SLC25A21: variants seen among roughly 807,000 people sequenced by gnomAD.
SLC25A21 encodes mitochondrial 2-oxodicarboxylate carrier.
Under a neutral mutation model 43.8 loss-of-function variants are expected in SLC25A21, and 47 were observed. The ratio of observed to expected loss-of-function variants is 1.07; its 90% CI spans 0.85 to 1.37. SLC25A21 has a LOEUF of 1.37. Ranked by LOEUF, SLC25A21 falls within the 40% of genes most tolerant of loss-of-function variation. The pLI is 0.00. For synonymous variants in SLC25A21, 131 were observed against 121.3 expected (o/e 1.08, Z -0.52); for missense variants, 352 against 350.2 (o/e 1.00, Z -0.04).
chr14:36,799,968 G>A (rs1042801310), intron 3 of SLC25A21, among the ~76,000 whole-genome samples: 2 of 152,076 alleles, frequency 1.3e-5, no homozygotes, highest in Non-Finnish European at 1.5e-5. Context: ...ACCTACCAGC[G>A]AACACTAGAA....
intron 1 of SLC25A21, among the ~76,000 whole-genome samples, chr14:37,020,969 T>G (rs945645403): frequency 3.9e-5 from 6 of 152,128 alleles, no homozygotes; most frequent in Non-Finnish European, 8.8e-5. Flanking sequence ...GATTTCCAAT[T>G]TAAAGGTATA....
chr14:36,901,451 G>C (rs543264899), intron 1 of SLC25A21, among the ~76,000 whole-genome samples: 38 of 152,136 alleles, frequency 2.5e-4, no homozygotes, highest in African/African-American at 8.4e-4. Flanking sequence ...ATAGATTAGA[G>C]GATAAGATGT....
chr14:36,712,124 C>T (rs1282289864), intron 6 of SLC25A21, among the ~76,000 whole-genome samples: 1 of 152,002 alleles, frequency 6.6e-6, no homozygotes, highest in Non-Finnish European at 1.5e-5. Context: ...CTTTCCAGTC[C>T]CCTGATTGAT....
At chr14:37,082,034 T>C (rs1487459107) in intron 1 of SLC25A21, among the ~76,000 whole-genome samples, 2 of 152,292 alleles carry the variant, frequency 1.3e-5, no homozygotes, top group African/African-American at 4.8e-5. Context: ...ACACACACCA[T>C]GGAGTACTAT....
intron 3 of SLC25A21, among the ~76,000 whole-genome samples, chr14:36,761,240 G>A (rs1886145104): frequency 6.6e-6 from 1 of 152,256 alleles, no homozygotes; most frequent in South Asian, 2.1e-4. Flanking sequence ...TGTGGGGTGC[G>A]ACTCTACTAC....
At chr14:36,703,380 T>C (rs1459757131) in intron 7 of SLC25A21, among the ~76,000 whole-genome samples, 3 of 152,208 alleles carry the variant, frequency 2.0e-5, no homozygotes, top group Admixed American at 6.5e-5. Flanking sequence ...CCCTCAGACA[T>C]TCTACAGAAT....
intron 3 of SLC25A21, among the ~76,000 whole-genome samples, chr14:36,776,697 T>C: frequency 6.6e-6 from 1 of 152,296 alleles, no homozygotes; most frequent in East Asian, 1.9e-4. Flanking sequence ...TTCTTCCAGG[T>C]GGTATTTGCA....
At chr14:37,031,723 A>G (rs1257373912) in intron 1 of SLC25A21, among the ~76,000 whole-genome samples, 9 of 152,162 alleles carry the variant, frequency 5.9e-5, no homozygotes. Flanking sequence ...AAATTATAGG[A>G]TTCTTGAATT....
At chr14:36,969,824 C>A (rs930926679) in intron 1 of SLC25A21, among the ~76,000 whole-genome samples, 2 of 151,922 alleles carry the variant, frequency 1.3e-5, no homozygotes, top group African/African-American at 2.4e-5. Context: ...ATTCTTCCAG[C>A]CCAAGCAGGG....
chr14:37,029,735 A>G (rs1961168249), intron 1 of SLC25A21, among the ~76,000 whole-genome samples: 1 of 150,214 alleles, frequency 6.7e-6, no homozygotes, highest in African/African-American at 2.5e-5. Context: ...TGACGCCCCC[A>G]AAACTTAACT....
At chr14:37,079,630 C>A (rs1461271959) in intron 1 of SLC25A21, among the ~76,000 whole-genome samples, 6 of 152,280 alleles carry the variant, frequency 3.9e-5, no homozygotes, top group African/African-American at 1.2e-4. Context: ...AGTCTAAATA[C>A]CTTAACATGC....
At chr14:36,753,451 T>TG (rs1885792419) in intron 3 of SLC25A21, among the ~76,000 whole-genome samples, 2 of 152,198 alleles carry the variant, frequency 1.3e-5, no homozygotes, top group East Asian at 3.9e-4. Context: ...ATGGAGAGTT[T>TG]GGGGAACATA....
At chr14:36,936,968 T>C (rs1892440361) in intron 1 of SLC25A21, among the ~76,000 whole-genome samples, 1 of 152,200 alleles carries the variant, frequency 6.6e-6, no homozygotes, top group Non-Finnish European at 1.5e-5. Flanking sequence ...AGGTCATGGC[T>C]AGGGTCTCTT....
At chr14:36,889,243 C>G (rs1891011266) in intron 1 of SLC25A21, among the ~76,000 whole-genome samples, 1 of 152,164 alleles carries the variant, frequency 6.6e-6, no homozygotes, top group Non-Finnish European at 1.5e-5. Context: ...ATAGTTTAAT[C>G]ACACAAGATT....
At chr14:36,968,802 C>G (rs1959679583) in intron 1 of SLC25A21, among the ~76,000 whole-genome samples, 2 of 152,196 alleles carry the variant, frequency 1.3e-5, no homozygotes, top group African/African-American at 4.8e-5. Context: ...GCCATTCCAT[C>G]TGGCCATAAA....
In SLC25A21 at chr14:36,970,577, T is replaced by C. The variant is rs151098925; in HGVS notation, c.71-95573A>G. ...AGCAATGATGAAAGAATGGCATTAC[T>C]AATTACCTCTCTATCCCCATGGGCT... On this transcript the variant is annotated intron_variant, in intron 1 of 9. Coordinates refer to ENST00000331299, the MANE Select transcript of SLC25A21 (RefSeq NM_030631.4). Among the ~76,000 whole-genome samples, 280 of 152,334 alleles carry C rather than the reference T, an allele frequency of 1.8e-3. 1 individual carries two copies. Among genetic ancestry groups the C allele is most frequent in the African/African-American group, 6.3e-3 (260 of 41,576 alleles).
chr14:36,683,718 C>CTCTT (rs1882397438), intron 9 of SLC25A21, 110 bp downstream of exon 9: 1 of 698,032 alleles, frequency 1.4e-6, no homozygotes, highest in African/African-American at 1.8e-5. Flanking sequence ...CTCAAGGTTT[C>CTCTT]TGTCTTTTAC....
At chr14:37,047,354 C>G (rs1372348997) in intron 1 of SLC25A21, among the ~76,000 whole-genome samples, 1 of 152,140 alleles carries the variant, frequency 6.6e-6, no homozygotes, top group Non-Finnish European at 1.5e-5. Flanking sequence ...TACACTAACA[C>G]AGGATAACAG....
At chr14:36,940,547 T>C (rs185631838) in intron 1 of SLC25A21, among the ~76,000 whole-genome samples, 201 of 152,194 alleles carry the variant, frequency 1.3e-3, no homozygotes, top group Non-Finnish European at 1.6e-3. Context: ...TTCCTTTAAT[T>C]GCCATATATA....
Sources: allele counts gnomAD v4.1 joint callset (sites outside exome capture counted in the v4.1 genomes callset), GRCh38; gene constraint gnomAD v4.1.1; transcripts MANE v1.5; gene names NCBI Gene and HGNC (gene_info 2026-07-23, HGNC 2026-07-21).